Variants in RIMS2 observed in about 807,000 individuals in gnomAD.
RIMS2 encodes regulating synaptic membrane exocytosis protein 2.
RIMS2 carries 59 observed loss-of-function variants against 174.4 expected under a neutral mutation model. The observed-to-expected ratio is 0.34, with a 90% CI of 0.27 to 0.42. The LOEUF (loss-of-function observed/expected upper bound fraction) is 0.42. RIMS2 is among the 10% of genes least tolerant of loss of function. The probability of loss-of-function intolerance (pLI) is 1.00; values close to 1 mark genes in which losing one functional copy is unlikely to be tolerated. For synonymous variants in RIMS2, 606 were observed against 572.5 expected, an observed-to-expected ratio of 1.06 and a Z score of -0.84; for missense variants, 1,620 against 1,666.3, an observed-to-expected ratio of 0.97 and a Z score of 0.48.
At chr8:103,768,382 A>C (rs2098205117) in intron 3 of RIMS2, 1 of 740,608 alleles carries the variant, frequency 1.4e-6, no homozygotes, top group African/African-American at 1.7e-5. Flanking sequence ...ATATGGCCAC[A>C]GAAGTTGCTG....
At chr8:103,749,779 G>C (rs2097863125) in intron 2 of RIMS2, among the ~76,000 whole-genome samples, 1 of 152,016 alleles carries the variant, frequency 6.6e-6, no homozygotes, top group African/African-American at 2.4e-5. Flanking sequence ...AAAGGGATCA[G>C]GTGATTACAT....
intron 19 of RIMS2, among the ~76,000 whole-genome samples, chr8:104,127,660 T>A (rs2098442749): frequency 6.6e-6 from 1 of 152,160 alleles, no homozygotes; most frequent in African/African-American, 2.4e-5. Flanking sequence ...CTCATTGGAT[T>A]GTTTGAGGAT....
chr8:103,521,643 A>G (rs1474318685), intron 1 of RIMS2, among the ~76,000 whole-genome samples: 1 of 151,970 alleles, frequency 6.6e-6, no homozygotes, highest in East Asian at 1.9e-4. Flanking sequence ...ACATTTTACT[A>G]TTCATTTTTG....
At chr8:103,880,766 AATTG>A in intron 3 of RIMS2, 1 of 419,382 alleles carries the variant, frequency 2.4e-6, no homozygotes, top group Admixed American at 4.0e-5. Context: ...TATAAATAGA[AATTG>A]ATTTATTCAA....
At chr8:103,937,214 A>T (rs1046434417) in intron 13 of RIMS2, among the ~76,000 whole-genome samples, 11 of 152,216 alleles carry the variant, frequency 7.2e-5, no homozygotes, top group African/African-American at 2.7e-4. Flanking sequence ...CTGCTTTAGG[A>T]CAAAAGTTGA....
chr8:104,131,759 A>G (rs1044456473), intron 19 of RIMS2, among the ~76,000 whole-genome samples: 3 of 152,182 alleles, frequency 2.0e-5, no homozygotes, highest in African/African-American at 7.2e-5. Flanking sequence ...AGAAAAACAT[A>G]TGCACAGTGG....
At chr8:104,158,923 C>T (rs999899552) in intron 19 of RIMS2, among the ~76,000 whole-genome samples, 4 of 151,974 alleles carry the variant, frequency 2.6e-5, no homozygotes, top group Non-Finnish European at 4.4e-5. Context: ...GTCTATTTTG[C>T]GTTTTGTTGC....
At chr8:104,059,231 C>T (rs1246271072) in intron 19 of RIMS2, among the ~76,000 whole-genome samples, 7 of 150,838 alleles carry the variant, frequency 4.6e-5, no homozygotes, top group African/African-American at 1.7e-4. Context: ...TCTTTGTATC[C>T]TCTTTTATTT....
chr8:104,005,174 A>G (rs1227609284), intron 17 of RIMS2, among the ~76,000 whole-genome samples: 1 of 152,218 alleles, frequency 6.6e-6, no homozygotes, highest in Non-Finnish European at 1.5e-5. Flanking sequence ...ACCATAGTCA[A>G]TCCCTAAAAT....
chr8:103,705,543 G>A (rs2097214428), intron 2 of RIMS2, among the ~76,000 whole-genome samples: 1 of 151,986 alleles, frequency 6.6e-6, no homozygotes, highest in Admixed American at 6.6e-5. Context: ...ACTAAGAGCG[G>A]GGTGTTGATA....
intron 1 of RIMS2, among the ~76,000 whole-genome samples, chr8:103,533,927 G>T (rs1268831534): frequency 2.0e-5 from 3 of 152,074 alleles, no homozygotes; most frequent in Non-Finnish European, 2.9e-5. Context: ...GTGCATTTTT[G>T]TCAGAAATTG....
chr8:104,181,758 T>A (rs1401280734), intron 19 of RIMS2, among the ~76,000 whole-genome samples: 1 of 151,736 alleles, frequency 6.6e-6, no homozygotes, highest in Non-Finnish European at 1.5e-5. Flanking sequence ...TTGAAAAAAT[T>A]TGATTTTTAT....
chr8:103,850,273 CA>C (rs1423044902), intron 3 of RIMS2, among the ~76,000 whole-genome samples: 1 of 151,830 alleles, frequency 6.6e-6, no homozygotes, highest in Non-Finnish European at 1.5e-5. Flanking sequence ...TCTTGTAGAA[CA>C]AAAGAATGAA....
chr8:103,571,782 C>T (rs78599288), intron 1 of RIMS2, among the ~76,000 whole-genome samples: 2,636 of 152,224 alleles, frequency 0.017, 31 homozygotes, highest in Non-Finnish European at 0.028. Flanking sequence ...CAGAGAATAT[C>T]TTTAGGACTC....
chr8:104,206,686 A>T (rs540245847), intron 19 of RIMS2, among the ~76,000 whole-genome samples: 1 of 152,274 alleles, frequency 6.6e-6, no homozygotes, highest in East Asian at 1.9e-4. Flanking sequence ...TACAGCTAGG[A>T]TGTGTGAAGG....
At chr8:103,503,128 A>G (rs1199878801) in intron 1 of RIMS2, among the ~76,000 whole-genome samples, 1 of 151,946 alleles carries the variant, frequency 6.6e-6, no homozygotes, top group Non-Finnish European at 1.5e-5. Context: ...ATATATTCAG[A>G]TTTATTTTAA....
At chr8:104,229,272 A>G (rs574317926) in intron 19 of RIMS2, among the ~76,000 whole-genome samples, 2 of 152,168 alleles carry the variant, frequency 1.3e-5, no homozygotes, top group Non-Finnish European at 2.9e-5. Flanking sequence ...ATAGGCCCCT[A>G]TTTATGGATC....
chr8:103,936,719 C>T (rs17854257), exon 13 of RIMS2: 7 of 1,598,360 alleles, frequency 4.4e-6, no homozygotes, highest in Middle Eastern at 1.7e-4. Context: ...AATTCTTAGG[C>T]GAGGTATCTG....
At chr8:103,847,668 A>G (rs1416319995) in intron 3 of RIMS2, among the ~76,000 whole-genome samples, 3 of 152,064 alleles carry the variant, frequency 2.0e-5, no homozygotes, top group Non-Finnish European at 4.4e-5. Flanking sequence ...TGGCCTTTAC[A>G]AGGTGGAAGG....
Sources: gnomAD v4.1 joint callset for allele counts (sites outside exome capture counted in the v4.1 genomes callset) on GRCh38, gnomAD v4.1.1 for gene constraint, MANE v1.5 for transcripts, NCBI Gene and HGNC (gene_info 2026-07-23, HGNC 2026-07-21) for gene names.